PPFIA2: variants seen among roughly 807,000 people sequenced by gnomAD.
PPFIA2 encodes liprin-alpha-2.
In PPFIA2, 46 loss-of-function variants were observed where a neutral mutation model predicts 175.5. The observed-to-expected ratio is 0.26, with a 90% CI of 0.21 to 0.34. The LOEUF is 0.34. Among genes scored for constraint, PPFIA2 ranks in the 10% least tolerant of loss-of-function variants. The pLI is 1.00. For missense variants in PPFIA2, 1,179 were observed against 1,506.1 expected (o/e 0.78, Z 3.60); for synonymous variants, 568 against 511.4 (o/e 1.11, Z -1.49).
intron 12 of PPFIA2, 96 bp from the exon 13 acceptor site, chr12:81,368,952 C>A: frequency 7.1e-7 from 1 of 1,413,300 alleles, no homozygotes; most frequent in Non-Finnish European, 9.6e-7. Flanking sequence ...AATTTTACAT[C>A]TGTTTTGATT....
chr12:81,586,484 T>G (rs1359384719), intron 4 of PPFIA2, among the ~76,000 whole-genome samples: 2 of 151,860 alleles, frequency 1.3e-5, no homozygotes, highest in African/African-American at 4.8e-5. Context: ...TACAGTAAAT[T>G]ATATTTTAAA....
chr12:81,393,888 C>G (rs2040598772), intron 8 of PPFIA2, among the ~76,000 whole-genome samples: 1 of 151,982 alleles, frequency 6.6e-6, no homozygotes, highest in Admixed American at 6.6e-5. Flanking sequence ...TGAAGAATCA[C>G]TTTGGTAGAG....
At chr12:81,741,519 T>C (rs2082318731) in intron 3 of PPFIA2, among the ~76,000 whole-genome samples, 1 of 152,164 alleles carries the variant, frequency 6.6e-6, no homozygotes, top group Admixed American at 6.5e-5. Flanking sequence ...AAGAATCCCC[T>C]GACTCAAGCT....
chr12:81,309,905 A>C (rs1454048039), intron 22 of PPFIA2, among the ~76,000 whole-genome samples: 1 of 152,080 alleles, frequency 6.6e-6, no homozygotes, highest in Non-Finnish European at 1.5e-5. Flanking sequence ...GAATCATACA[A>C]TTATTTATGC....
chr12:81,369,481 G>T lies in PPFIA2; in HGVS notation c.1267-287C>A. On this transcript the variant is annotated intron_variant, in intron 11 of 32. Coordinates refer to ENST00000549396, the MANE Select transcript of PPFIA2 (RefSeq NM_003625.5). The stretch of plus-strand genomic sequence containing the variant: ...ATGGTTTGAACACAAACCTGCCATT[G>T]TCCAATCTTAAGCTCCTGAAGCACT... 4.1e-6 allele frequency: 5 copies of T among 1,229,282 alleles called. No individual in the cohort carries two copies. The South Asian group carries it at 8.1e-5, about 20-fold the overall frequency. 76.1% of individuals were successfully genotyped at this position (1,229,282 alleles called of 1,614,324 possible). A position where few individuals can be genotyped will look rare whatever the true frequency, so the allele number is the denominator to read the frequency against.
At chr12:81,724,187 T>C (rs1400581150) in intron 3 of PPFIA2, among the ~76,000 whole-genome samples, 1 of 150,996 alleles carries the variant, frequency 6.6e-6, no homozygotes, top group Non-Finnish European at 1.5e-5. Context: ...ACATTGTTAA[T>C]AGTGATTGTT....
intron 3 of PPFIA2, among the ~76,000 whole-genome samples, chr12:81,690,848 T>C (rs1424690918): frequency 1.3e-5 from 2 of 152,134 alleles, no homozygotes; most frequent in African/African-American, 4.8e-5. Context: ...GCTGCATGCA[T>C]TTTTTGGCTT....
At chr12:81,486,916 A>G (rs144406483) in intron 4 of PPFIA2, among the ~76,000 whole-genome samples, 2 of 152,090 alleles carry the variant, frequency 1.3e-5, no homozygotes, top group African/African-American at 2.4e-5. Context: ...ACATATGCCA[A>G]TCAACTCCAT....
At chr12:81,465,073 G>T (rs963091507) in intron 4 of PPFIA2, among the ~76,000 whole-genome samples, 1 of 152,094 alleles carries the variant, frequency 6.6e-6, no homozygotes, top group African/African-American at 2.4e-5. Context: ...GGAAAATTCA[G>T]CCTTTCAATT....
chr12:81,735,176 A>G (rs1019731028), intron 3 of PPFIA2, among the ~76,000 whole-genome samples: 1 of 151,828 alleles, frequency 6.6e-6, no homozygotes, highest in African/African-American at 2.4e-5. Context: ...TTTTTTAATT[A>G]AATAAACTAC....
At chr12:81,616,310 A>C (rs1211139527) in intron 4 of PPFIA2, among the ~76,000 whole-genome samples, 1 of 152,086 alleles carries the variant, frequency 6.6e-6, no homozygotes, top group Non-Finnish European at 1.5e-5. Context: ...AGGTCATTTT[A>C]CCTTTTTCTC....
At position 81,266,965 on chromosome 12, in the gene PPFIA2, C is replaced by T; in HGVS notation, c.3542G>A (p.Arg1181Lys). 1 of 1,612,558 alleles carries T rather than the reference C, an allele frequency of 6.2e-7. No individual in the cohort carries two copies. Among genetic ancestry groups the T allele is most frequent in the Non-Finnish European group, 8.5e-7 (1 of 1,178,880 alleles). ...YNNLLALGTE[R>K]RLDESDDKNF... ...AGGTGGACTTACTTCATCCAGTCGC[C>T]TTTCAGTTCCCAGGGCCAAGAGGTT... Residue 1181 changes from arginine (R) to lysine (K), a missense_variant, in exon 30 of 33, where the codon AGG becomes AAG. This residue lies in a region of PPFIA2 where 245 missense variants were observed against 375.1 expected (regional missense o/e 0.65). Transcript: ENST00000549396.
At chr12:81,306,643 T>A (rs10459168) in intron 22 of PPFIA2, among the ~76,000 whole-genome samples, 2 of 150,092 alleles carry the variant, frequency 1.3e-5, no homozygotes, top group African/African-American at 4.9e-5. Flanking sequence ...CAGGTTCAAG[T>A]GATTGTCCTG....
At position 81,364,720 on chromosome 12, in the gene PPFIA2, C is replaced by A. The variant is rs542347335; in HGVS notation, c.1546-1936G>T. ...TGAGGCAAGAGAGTAATGGTTTGGACAAGAATGGTGTTAGGGTAAGAGTGG... is the reference window on the plus strand; with the variant it reads ...TGAGGCAAGAGAGTAATGGTTTGGAAAAGAATGGTGTTAGGGTAAGAGTGG... On this transcript the variant is annotated intron_variant, in intron 14 of 32. Transcript: ENST00000549396. 9.8e-4 allele frequency among the ~76,000 whole-genome samples: 148 copies of A among 151,750 alleles called. 1 individual carries two copies. The highest frequency in any genetic ancestry group is 3.4e-3 in the Middle Eastern group (1 of 294).
chr12:81,587,040 A>G (rs1324175630), intron 4 of PPFIA2, among the ~76,000 whole-genome samples: 1 of 151,954 alleles, frequency 6.6e-6, no homozygotes, highest in African/African-American at 2.4e-5. Flanking sequence ...ATGGTTTAGG[A>G]AAGTAAAAAT....
At chr12:81,692,109 GACAC>G (rs71098161) in intron 3 of PPFIA2, among the ~76,000 whole-genome samples, 74 of 149,408 alleles carry the variant, frequency 5.0e-4, no homozygotes, top group Middle Eastern at 3.4e-3. Flanking sequence ...CACAAACACA[GACAC>G]ACACACACAC....
At chr12:81,658,138 T>C (rs2068080353) in intron 4 of PPFIA2, among the ~76,000 whole-genome samples, 1 of 151,806 alleles carries the variant, frequency 6.6e-6, no homozygotes, top group Non-Finnish European at 1.5e-5. Context: ...CATTGTGTCA[T>C]ATGCCTGTAG....
chr12:81,304,562 T>C (rs2048682064), intron 22 of PPFIA2, among the ~76,000 whole-genome samples: 1 of 152,100 alleles, frequency 6.6e-6, no homozygotes, highest in Non-Finnish European at 1.5e-5. Flanking sequence ...CGAGGCAACA[T>C]TTGAGTAGAA....
At chr12:81,611,568 G>T (rs2060914701) in intron 4 of PPFIA2, among the ~76,000 whole-genome samples, 1 of 152,164 alleles carries the variant, frequency 6.6e-6, no homozygotes, top group Non-Finnish European at 1.5e-5. Context: ...ACCCACTCCT[G>T]CAGGGCAGCT....
Sources: gnomAD v4.1 joint callset for allele counts (sites outside exome capture counted in the v4.1 genomes callset) on GRCh38, gnomAD v4.1.1 for gene constraint, gnomAD v4.1.1 regional missense constraint, MANE v1.5 for transcripts, NCBI Gene and HGNC (gene_info 2026-07-23, HGNC 2026-07-21) for gene names.